The following SPPL3 variants were observed in gnomAD, a reference collection of about 807,000 sequenced individuals.
SPPL3 encodes signal peptide peptidase-like 3.
SPPL3 carries 5 observed loss-of-function variants against 42.4 expected under a neutral mutation model. The ratio of observed to expected loss-of-function variants is 0.12; its 90% confidence interval spans 0.06 to 0.25. SPPL3 has a LOEUF of 0.25. Ranked by LOEUF, SPPL3 falls within the 10% of genes least tolerant of loss-of-function variation. The probability of loss-of-function intolerance (pLI) is 1.00; values close to 1 mark genes in which losing one functional copy is unlikely to be tolerated. For synonymous variants in SPPL3, 195 were observed against 181.8 expected (o/e 1.07, Z -0.58); for missense variants, 235 against 489.0 (o/e 0.48, Z 4.90).
At chr12:120,836,294 T>C (rs564465097) in intron 1 of SPPL3, among the ~76,000 whole-genome samples, 6 of 152,112 alleles carry the variant, frequency 3.9e-5, no homozygotes, top group Admixed American at 6.5e-5. Flanking sequence ...AAAAGAGATC[T>C]AGCAGGCTCC....
chr12:120,768,989 C>A lies in SPPL3; in HGVS notation c.573G>T (p.Leu191=). 6.2e-7 allele frequency: 1 copy of A among 1,612,440 alleles called. No individual in the cohort carries two copies. The highest frequency in any genetic ancestry group is 1.7e-4 in the Middle Eastern group (1 of 5,998). ...CATAGATGAGAAGCCCTGAGAGAAG[C>A]AGGCAGGAGACCTTGAGGCTCGGCA... The part of the protein sequence containing the change: ...VRLPSLKVSC[L]LLSGLLIYDV... The change falls in exon 7 of 11, where the codon CTG becomes CTT. Residue 191 remains leucine (L), a synonymous_variant. Transcript: ENST00000353487.
intron 1 of SPPL3, among the ~76,000 whole-genome samples, chr12:120,871,224 A>C (rs949450330): frequency 6.6e-6 from 1 of 152,002 alleles, no homozygotes; most frequent in African/African-American, 2.4e-5. Context: ...ATGACAGTAC[A>C]TTTAAAAACG....
chr12:120,880,054 T>C (rs556943683), intron 1 of SPPL3, among the ~76,000 whole-genome samples: 6 of 151,344 alleles, frequency 4.0e-5, no homozygotes, highest in Non-Finnish European at 7.4e-5. Flanking sequence ...TAACTGTTAG[T>C]GAAGGGAGCC....
intron 2 of SPPL3, among the ~76,000 whole-genome samples, chr12:120,798,184 G>C (rs890489131): frequency 6.6e-6 from 1 of 152,136 alleles, no homozygotes; most frequent in African/African-American, 2.4e-5. Context: ...CTCCTCTTCT[G>C]AAATATGGTC....
intron 1 of SPPL3, among the ~76,000 whole-genome samples, chr12:120,873,452 A>G (rs917866117): frequency 1.3e-5 from 2 of 152,212 alleles, no homozygotes; most frequent in East Asian, 1.9e-4. Flanking sequence ...AAACTCAAAA[A>G]GCCCCAAACA....
intron 3 of SPPL3, among the ~76,000 whole-genome samples, chr12:120,789,915 TTTGTTTTTGA>T (rs1159670731): frequency 2.0e-5 from 3 of 152,074 alleles, no homozygotes; most frequent in South Asian, 2.1e-4. Flanking sequence ...CTTGTTTTTG[TTTGTTTTTGA>T]GGTAAACTTA....
intron 1 of SPPL3, among the ~76,000 whole-genome samples, chr12:120,851,072 A>C (rs552674137): frequency 8.5e-5 from 13 of 152,302 alleles, no homozygotes; most frequent in African/African-American, 3.1e-4. Context: ...CCTACCACAC[A>C]ATTACCAGAT....
intron 3 of SPPL3, among the ~76,000 whole-genome samples, chr12:120,791,142 A>G (rs1399519269): frequency 1.3e-5 from 2 of 152,154 alleles, no homozygotes; most frequent in Non-Finnish European, 2.9e-5. Flanking sequence ...TTTAAAGAAC[A>G]TCTTGGCAAA....
intron 1 of SPPL3, among the ~76,000 whole-genome samples, chr12:120,901,709 G>A (rs1184026167): frequency 6.6e-6 from 1 of 152,104 alleles, no homozygotes; most frequent in Non-Finnish European, 1.5e-5. Flanking sequence ...AAGGTTGAGG[G>A]GCTAAGCTCC....
chr12:120,802,082 C>T (rs1870315592), intron 2 of SPPL3, among the ~76,000 whole-genome samples: 1 of 152,004 alleles, frequency 6.6e-6, no homozygotes, highest in Non-Finnish European at 1.5e-5. Flanking sequence ...TTGCAAGGAA[C>T]AGAACTTTAG....
rs545684137 is a variant in SPPL3, at chr12:120,871,756, G to C, written c.23+32089C>G. 5.1e-4 allele frequency among the ~76,000 whole-genome samples: 77 copies of C among 152,008 alleles called. 1 individual carries two copies. The highest frequency in any genetic ancestry group is 1.8e-3 in the African/African-American group (73 of 41,470). The stretch of plus-strand genomic sequence containing the variant: ...TGACAAGAATGAAACTCCGTCTCAG[G>C]GAGGGATAAAAAAAAAGGGCACAGT... On this transcript the variant is annotated intron_variant, in intron 1 of 10. Transcript: ENST00000353487.
rs1873776803 is a variant in SPPL3, at chr12:120,895,595, G to A, written c.23+8250C>T. On this transcript the variant is annotated intron_variant, in intron 1 of 10. Coordinates refer to ENST00000353487, the MANE Select transcript of SPPL3 (RefSeq NM_139015.5). ...AAGGACATCTCAAAGTTTAAGCGCTGGCTAAATTGTGAAACAAGAGAAGTC... is the reference window on the plus strand; with the variant it reads ...AAGGACATCTCAAAGTTTAAGCGCTAGCTAAATTGTGAAACAAGAGAAGTC... 1.3e-5 allele frequency among the ~76,000 whole-genome samples: 2 copies of A among 152,178 alleles called. 1 individual carries two copies. Among genetic ancestry groups the A allele is most frequent in the African/African-American group, 4.8e-5 (2 of 41,440 alleles).
At chr12:120,782,470 T>A (rs1461785898) in intron 6 of SPPL3, among the ~76,000 whole-genome samples, 185 bp downstream of exon 6, 2 of 152,020 alleles carry the variant, frequency 1.3e-5, no homozygotes, top group Non-Finnish European at 2.9e-5. Flanking sequence ...AAGTAGAGAC[T>A]AGTGGATACC....
chr12:120,888,388 T>C (rs1873530533), intron 1 of SPPL3, among the ~76,000 whole-genome samples: 2 of 152,020 alleles, frequency 1.3e-5, no homozygotes, highest in African/African-American at 2.4e-5. Flanking sequence ...ACATTATTCA[T>C]AGCAGCCAAA....
At chr12:120,856,519 T>C (rs2137038673) in intron 1 of SPPL3, among the ~76,000 whole-genome samples, 2 of 148,234 alleles carry the variant, frequency 1.3e-5, no homozygotes, top group South Asian at 4.3e-4. Flanking sequence ...TTTTTTTTTT[T>C]TTTTTTTTGA....
At chr12:120,767,242 C>A (rs543347462) in intron 9 of SPPL3, 152 bp downstream of exon 9, 9 of 772,730 alleles carry the variant, frequency 1.2e-5, no homozygotes, top group African/African-American at 1.0e-4. Flanking sequence ...ACACAAAACA[C>A]TTAGCATCTC....
intron 6 of SPPL3, among the ~76,000 whole-genome samples, chr12:120,770,922 T>A (rs1869095648): frequency 6.6e-6 from 1 of 152,170 alleles, no homozygotes; most frequent in Non-Finnish European, 1.5e-5. Flanking sequence ...CAAACTCAGC[T>A]CTTAACAGTG....
intron 1 of SPPL3, among the ~76,000 whole-genome samples, chr12:120,842,377 G>C (rs1159089399): frequency 6.6e-6 from 1 of 152,076 alleles, no homozygotes; most frequent in East Asian, 1.9e-4. Context: ...TACACTAAGA[G>C]GCTACAGAAA....
intron 1 of SPPL3, among the ~76,000 whole-genome samples, chr12:120,820,222 CT>C (rs1468156586): frequency 6.6e-6 from 1 of 150,898 alleles, no homozygotes; most frequent in Non-Finnish European, 1.5e-5. Context: ...TGCAAAAAAA[CT>C]TGTATTCCAT....
Sources: gnomAD v4.1 joint callset for allele counts (sites outside exome capture counted in the v4.1 genomes callset) on GRCh38, gnomAD v4.1.1 for gene constraint, MANE v1.5 for transcripts, NCBI Gene and HGNC (gene_info 2026-07-23, HGNC 2026-07-21) for gene names.